SNTG1: variants seen among roughly 807,000 people sequenced by gnomAD.
The protein encoded by SNTG1 is gamma-1-syntrophin.
A neutral mutation model predicts 74.7 loss-of-function variants in SNTG1; 39 were observed. The ratio of observed to expected loss-of-function variants is 0.52; its 90% CI spans 0.40 to 0.68. The LOEUF is 0.68. SNTG1 is among the 30% of genes least tolerant of loss of function. SNTG1 has a pLI of 0.00. For synonymous variants in SNTG1, 254 were observed against 217.1 expected (o/e 1.17, Z -1.49); for missense variants, 685 against 609.5 (o/e 1.12, Z -1.30).
At chr8:50,448,062 T>C (rs1294826995) in intron 5 of SNTG1, among the ~76,000 whole-genome samples, 1 of 152,164 alleles carries the variant, frequency 6.6e-6, no homozygotes, top group Non-Finnish European at 1.5e-5. Context: ...CAGGGTCATC[T>C]TAGACACAGT....
chr8:50,446,996 T>C (rs1337527708), intron 5 of SNTG1, among the ~76,000 whole-genome samples: 1 of 151,298 alleles, frequency 6.6e-6, no homozygotes, highest in East Asian at 1.9e-4. Flanking sequence ...AATGGAATTA[T>C]AATAATACAC....
chr8:50,390,707 G>A (rs1365757978), intron 2 of SNTG1, among the ~76,000 whole-genome samples: 1 of 152,188 alleles, frequency 6.6e-6, no homozygotes, highest in African/African-American at 2.4e-5. Flanking sequence ...CATGAACATG[G>A]AATGTTTTTC....
intron 2 of SNTG1, among the ~76,000 whole-genome samples, chr8:50,266,318 G>C (rs1165512540): frequency 6.6e-6 from 1 of 152,030 alleles, no homozygotes; most frequent in African/African-American, 2.4e-5. Context: ...AACAAAGATG[G>C]TGAGAGAATT....
Position 50,651,543 on chromosome 8 carries a change from CACCGCCCAGGT to C in SNTG1, c.850-5365_850-5355del, listed in dbSNP as rs1468915267. Among the ~76,000 whole-genome samples the C allele has an allele frequency of 2.0e-5, 3 of 151,854 alleles. No homozygotes were observed. In the East Asian group the frequency reaches 5.8e-4, roughly 29 times the overall value. On this transcript the variant is annotated intron_variant, in intron 13 of 18. Transcript: ENST00000642720. ...CATGATCTTGGCTCACTGCAACCTC[CACCGCCCAGGT>C]TCAAGCGATTCTCCTGCCTCAGCCT...
chr8:49,948,920 A>G (rs1027650130), intron 1 of SNTG1, among the ~76,000 whole-genome samples: 1 of 152,128 alleles, frequency 6.6e-6, no homozygotes, highest in African/African-American at 2.4e-5. Flanking sequence ...CTTTCCTGCT[A>G]CTTCTTCCCT....
At chr8:50,103,754 A>C (rs1036546024) in intron 1 of SNTG1, among the ~76,000 whole-genome samples, 1 of 152,170 alleles carries the variant, frequency 6.6e-6, no homozygotes, top group South Asian at 2.1e-4. Flanking sequence ...TAATTTATTG[A>C]GAGTTTTTAG....
intron 2 of SNTG1, among the ~76,000 whole-genome samples, chr8:50,257,026 T>G (rs1459648762): frequency 6.6e-6 from 1 of 151,946 alleles, no homozygotes; most frequent in Non-Finnish European, 1.5e-5. Context: ...GCTCCCCTCT[T>G]AGGAGTTCAG....
chr8:49,983,646 C>T (rs952049716), intron 1 of SNTG1, among the ~76,000 whole-genome samples: 5 of 152,206 alleles, frequency 3.3e-5, no homozygotes, highest in Admixed American at 3.3e-4. Context: ...GACTTACCAG[C>T]TGAAGGCCAA....
chr8:50,177,909 CT>C (rs1463634070), intron 2 of SNTG1, among the ~76,000 whole-genome samples: 1 of 152,168 alleles, frequency 6.6e-6, no homozygotes, highest in Non-Finnish European at 1.5e-5. Context: ...AACCAATGAT[CT>C]TTTCACTGTC....
intron 1 of SNTG1, among the ~76,000 whole-genome samples, chr8:50,006,622 C>T (rs1815264792): frequency 1.3e-5 from 2 of 152,116 alleles, no homozygotes; most frequent in Admixed American, 6.5e-5. Flanking sequence ...TTGTCTGGCT[C>T]TATTAGCTGT....
At chr8:50,419,495 T>C (rs1044301853) in intron 4 of SNTG1, among the ~76,000 whole-genome samples, 1 of 152,144 alleles carries the variant, frequency 6.6e-6, no homozygotes, top group Non-Finnish European at 1.5e-5. Context: ...GAAGATTATC[T>C]GGTTGTCTGA....
At chr8:50,547,091 A>T (rs1255395341) in intron 11 of SNTG1, among the ~76,000 whole-genome samples, 1 of 152,096 alleles carries the variant, frequency 6.6e-6, no homozygotes, top group Non-Finnish European at 1.5e-5. Context: ...CAGAGAAGGA[A>T]GACTCAATGG....
chr8:50,132,373 T>A (rs984214274), intron 1 of SNTG1, among the ~76,000 whole-genome samples: 1 of 152,284 alleles, frequency 6.6e-6, no homozygotes, highest in East Asian at 1.9e-4. Context: ...ATGGGTGAGA[T>A]TCAGGGTACA....
intron 2 of SNTG1, among the ~76,000 whole-genome samples, chr8:50,370,247 T>C (rs1303911110): frequency 6.6e-6 from 1 of 152,202 alleles, no homozygotes; most frequent in Non-Finnish European, 1.5e-5. Context: ...TCTTTTTTCC[T>C]GTAGCCATAA....
chr8:50,581,450 C>G (rs1312693528), intron 12 of SNTG1, among the ~76,000 whole-genome samples: 1 of 152,126 alleles, frequency 6.6e-6, no homozygotes, highest in Non-Finnish European at 1.5e-5. Context: ...TCAGATGCCT[C>G]TCTCTCTCCA....
At chr8:49,980,440 C>T (rs1405299514) in intron 1 of SNTG1, among the ~76,000 whole-genome samples, 3 of 147,722 alleles carry the variant, frequency 2.0e-5, no homozygotes, top group African/African-American at 7.6e-5. Context: ...CTAGTTTCTG[C>T]CTGCACGAGT....
At chr8:50,102,011 A>G (rs1291950421) in intron 1 of SNTG1, among the ~76,000 whole-genome samples, 2 of 152,108 alleles carry the variant, frequency 1.3e-5, no homozygotes, top group African/African-American at 4.8e-5. Flanking sequence ...TAGTGCCGCA[A>G]TAAACATACG....
intron 18 of SNTG1, among the ~76,000 whole-genome samples, chr8:50,774,290 A>G (rs2095634406): frequency 6.6e-6 from 1 of 151,930 alleles, no homozygotes; most frequent in Admixed American, 6.6e-5. Context: ...ATGTAGAATA[A>G]AAACAAAAGA....
intron 4 of SNTG1, among the ~76,000 whole-genome samples, chr8:50,429,273 T>A (rs947108282): frequency 2.0e-5 from 3 of 152,100 alleles, no homozygotes; most frequent in African/African-American, 7.2e-5. Flanking sequence ...TCTAAGGTGG[T>A]ACTGGCATAA....
Sources: allele counts gnomAD v4.1 joint callset (sites outside exome capture counted in the v4.1 genomes callset), GRCh38; gene constraint gnomAD v4.1.1; transcripts MANE v1.5; gene names NCBI Gene and HGNC (gene_info 2026-07-23, HGNC 2026-07-21).